NCOR2: variants seen among roughly 807,000 people sequenced by gnomAD.
The protein encoded by NCOR2 is nuclear receptor corepressor 2, also known as CTG repeat protein 26.
Under a neutral mutation model 262.9 loss-of-function variants are expected in NCOR2, and 81 were observed. The ratio of observed to expected loss-of-function variants is 0.31; its 90% confidence interval spans 0.26 to 0.37. The LOEUF (loss-of-function observed/expected upper bound fraction) is 0.37, where lower values mean the gene tolerates loss of function less well. Ranked by LOEUF, NCOR2 falls within the 10% of genes least tolerant of loss-of-function variation. NCOR2 has a pLI of 1.00. For synonymous variants in NCOR2, 1,659 were observed against 1,559.3 expected, an observed-to-expected ratio of 1.06 and a Z score of -1.51; for missense variants, 3,385 against 3,621.4, an observed-to-expected ratio of 0.93 and a Z score of 1.68.
chr12:124,487,144 T>C (rs920017430), intron 1 of NCOR2, among the ~76,000 whole-genome samples: 1 of 152,094 alleles, frequency 6.6e-6, no homozygotes, highest in Admixed American at 6.5e-5. Flanking sequence ...CAGCAACAAC[T>C]GGGAAAAGGC....
chr12:124,428,086 T>TGTGTGTGTGTGTGTGTGTGGGC (rs958627720), intron 10 of NCOR2, among the ~76,000 whole-genome samples: 2 of 147,054 alleles, frequency 1.4e-5, no homozygotes, highest in African/African-American at 2.6e-5. Flanking sequence ...TGTGTGTGTG[T>TGTGTGTGTGTGTGTGTGTGGGC]GTACATGCAA....
intron 16 of NCOR2, among the ~76,000 whole-genome samples, 153 bp from the exon 19 acceptor site, chr12:124,386,040 TG>T (rs1336851826): frequency 8.5e-5 from 13 of 152,206 alleles, no homozygotes; most frequent in Admixed American, 5.9e-4. Flanking sequence ...GAGACAGTGA[TG>T]GGCCACGTGT....
At chr12:124,368,204 G>A (rs970689303) in intron 20 of NCOR2, among the ~76,000 whole-genome samples, 1 of 152,254 alleles carries the variant, frequency 6.6e-6, no homozygotes, top group African/African-American at 2.4e-5. Flanking sequence ...TGACCAGCAC[G>A]TGGGGCCGAG....
At chr12:124,434,654 A>T (rs773620609) in intron 8 of NCOR2, among the ~76,000 whole-genome samples, 2 of 152,142 alleles carry the variant, frequency 1.3e-5, no homozygotes, top group Non-Finnish European at 2.9e-5. Flanking sequence ...CTTCACCCCA[A>T]GGGGGGAACC....
chr12:124,358,074 G>A (rs543406847), intron 22 of NCOR2, among the ~76,000 whole-genome samples: 3 of 132,950 alleles, frequency 2.3e-5, no homozygotes, highest in African/African-American at 5.7e-5. Context: ...TGTTGAAGGA[G>A]GTAACCTGTG....
intron 1 of NCOR2, among the ~76,000 whole-genome samples, chr12:124,512,019 T>C (rs1449851412): frequency 1.3e-5 from 2 of 152,218 alleles, no homozygotes; most frequent in Non-Finnish European, 2.9e-5. Context: ...CCTCCTGGGC[T>C]CAATTGATCC....
chr12:124,500,308 C>T (rs1038075599), intron 1 of NCOR2, among the ~76,000 whole-genome samples: 2 of 152,174 alleles, frequency 1.3e-5, no homozygotes, highest in Non-Finnish European at 2.9e-5. Context: ...GCTCCCCATG[C>T]ACGGCTGCAG....
intron 18 of NCOR2, among the ~76,000 whole-genome samples, chr12:124,375,203 G>A (rs566044203): frequency 6.6e-6 from 1 of 152,286 alleles, no homozygotes; most frequent in Admixed American, 6.5e-5. Flanking sequence ...CCTCTGCCTG[G>A]TGACTTCAGC....
At position 124,443,294 on chromosome 12, in the gene NCOR2, AG is replaced by A. The variant is rs2136455140; in HGVS notation, c.816-5299del. Among the ~76,000 whole-genome samples the A allele has an allele frequency of 6.6e-6, 1 of 152,274 alleles. No individual in the cohort carries two copies. The highest frequency in any genetic ancestry group is 1.9e-4 in the East Asian group (1 of 5,180). Reference sequence around the variant, plus strand: ...GTTTGCCACCGATGGGCAGCAACTGAGGGTGTGAATCCACCCTGGCTGATCC... The same window carrying A: ...GTTTGCCACCGATGGGCAGCAACTGAGGTGTGAATCCACCCTGGCTGATCC... On this transcript the variant is annotated intron_variant, in intron 7 of 46. Transcript: ENST00000405201. The surrounding 1 kb of genome is among the most constrained non-coding windows in gnomAD (Gnocchi z 4.4).
At chr12:124,325,377 G>GCGGC in exon 47 of NCOR2, 6 of 246,786 alleles carry the variant, frequency 2.4e-5, no homozygotes, top group East Asian at 6.6e-5. Context: ...ACCTGACACC[G>GCGGC]CCCCCCCCCC....
Position 124,327,784 on chromosome 12 carries a change from G to A in NCOR2, c.6959-151C>T, listed in dbSNP as rs1464322469. ...TACACAGTGAGCACATTTCGGCAAA[G>A]CAACATATTTATTTCCCTATCCCTC... is the stretch of plus-strand genomic sequence containing the variant. On this transcript the variant is annotated intron_variant, in intron 44 of 46. Coordinates refer to ENST00000405201, the Ensembl canonical transcript of NCOR2. The A allele has an allele frequency of 1.3e-5, 8 of 618,530 alleles. 1 individual carries two copies. Among genetic ancestry groups the A allele is most frequent in the Non-Finnish European group, 2.3e-5 (8 of 352,690 alleles). The allele number at this position is 618,530 out of a possible 1,614,324, so 38.3% of individuals were successfully genotyped here.
intron 39 of NCOR2, 29 bp downstream of exon 41, chr12:124,335,454 C>A: frequency 6.3e-7 from 1 of 1,592,568 alleles, no homozygotes; most frequent in Non-Finnish European, 8.5e-7. Context: ...TGCAGGGCTT[C>A]GGGGGCCTGG....
At chr12:124,495,394 C>G, upstream of NCOR2, 2 of 1,427,350 alleles carry the variant, frequency 1.4e-6, no homozygotes, top group Non-Finnish European at 9.2e-7. This position sits in a 1 kb window ranked among gnomAD's most constrained non-coding sequence, Gnocchi z 4.4. Context: ...AAAAGAAAAA[C>G]AAGATCAGCC....
chr12:124,444,618 A>T (rs553562392), intron 7 of NCOR2, among the ~76,000 whole-genome samples: 2 of 152,144 alleles, frequency 1.3e-5, no homozygotes, highest in African/African-American at 4.8e-5. Context: ...GGAGGGAGGC[A>T]GCAATAGTGA....
intron 1 of NCOR2, among the ~76,000 whole-genome samples, chr12:124,533,697 T>C (rs1187166943): frequency 2.6e-5 from 4 of 152,174 alleles, no homozygotes; most frequent in Non-Finnish European, 4.4e-5. Flanking sequence ...AACGAATATA[T>C]AGTCATGTAC....
intron 8 of NCOR2, among the ~76,000 whole-genome samples, chr12:124,437,719 GCCCCCCCACC>G (rs1313719532): frequency 2.0e-5 from 3 of 150,972 alleles, no homozygotes; most frequent in Non-Finnish European, 3.0e-5. Flanking sequence ...GGGCCATAGA[GCCCCCCCACC>G]CCCACCCACC....
intron 37 of NCOR2, among the ~76,000 whole-genome samples, 165 bp downstream of exon 39, chr12:124,339,841 A>AC (rs1237450672): frequency 7.4e-6 from 1 of 135,836 alleles, no homozygotes. Flanking sequence ...TAACCCGACC[A>AC]CCCACCCATC....
In NCOR2 at chr12:124,509,245, G is replaced by GGGGGGGC. The variant is rs1555234155; in HGVS notation, c.-117-13878_-117-13877insGCCCCCC. Among the ~76,000 whole-genome samples the GGGGGGGC allele has an allele frequency of 1.3e-3, 186 of 144,534 alleles. 12 individuals carry two copies. Among genetic ancestry groups the GGGGGGGC allele is most frequent in the African/African-American group, 4.9e-3 (170 of 34,452 alleles). The allele number at this position is 144,534 out of a possible 152,430, so 94.8% of individuals were successfully genotyped here. A position where few individuals can be genotyped will look rare whatever the true frequency, so the allele number is the denominator to read the frequency against. On this transcript the variant is annotated intron_variant, in intron 1 of 46. Transcript: ENST00000404621. ...TGGCACTGGCTTTGGTGGGGGGGGG[G>GGGGGGGC]GGGGCTTAACTCTGAACTCTCAAGC...
Position 124,481,436 on chromosome 12 carries a change from G to A in NCOR2, c.411+2160C>T, listed in dbSNP as rs1019192193. On this transcript the variant is annotated intron_variant, in intron 3 of 46. Transcript: ENST00000405201. The surrounding 1 kb of genome is among the most constrained non-coding windows in gnomAD (Gnocchi z 4.6). ...GGTGGGGCTGCAGCCTCAGCCATGAGTGGCCTCGAGAGTCCCCACAGGGCT... is the reference window on the plus strand; with the variant it reads ...GGTGGGGCTGCAGCCTCAGCCATGAATGGCCTCGAGAGTCCCCACAGGGCT... Among the ~76,000 whole-genome samples, 7 of 152,194 alleles carry A rather than the reference G, an allele frequency of 4.6e-5. No individual in the cohort carries two copies.
Sources: allele counts gnomAD v4.1 joint callset (sites outside exome capture counted in the v4.1 genomes callset), GRCh38; gene constraint gnomAD v4.1.1; non-coding constraint Gnocchi (gnomAD v3.1); transcripts MANE v1.5; gene names NCBI Gene and HGNC (gene_info 2026-07-23, HGNC 2026-07-21).